GOLGA3: variants seen among roughly 807,000 people sequenced by gnomAD.
The protein encoded by GOLGA3 is golgin subfamily A member 3.
A neutral mutation model predicts 169.4 loss-of-function variants in GOLGA3; 75 were observed. That is an observed-to-expected ratio of 0.44 (90% CI 0.37 to 0.54). The LOEUF is 0.54. GOLGA3 is among the 20% of genes least tolerant of loss of function. The pLI is 0.00. For synonymous variants in GOLGA3, 824 were observed against 822.4 expected, an observed-to-expected ratio of 1.00 and a Z score of -0.03; for missense variants, 1,899 against 1,930.0, an observed-to-expected ratio of 0.98 and a Z score of 0.30.
At position 132,777,097 on chromosome 12, in the gene GOLGA3, TA is replaced by T. The variant is rs1555249724; in HGVS notation, c.3723-8del. On this transcript the variant is annotated splice_polypyrimidine_tract_variant and splice_region_variant and intron_variant, in intron 19 of 23. Coordinates refer to ENST00000450791, the MANE Select transcript of GOLGA3 (RefSeq NM_001389683.1). This position sits in a 1 kb window ranked among gnomAD's most constrained non-coding sequence, Gnocchi z 4.7. ...ATGTTTCCCCTCCCGAATCCTAGCG[TA>T]AAAAAACAAGAAAGAAGGGAATCGC... 8.3e-6 allele frequency: 13 copies of T among 1,571,232 alleles called. No individual in the cohort carries two copies. The highest frequency in any genetic ancestry group is 1.1e-5 in the Non-Finnish European group (13 of 1,162,142).
At position 132,775,201 on chromosome 12, in the gene GOLGA3, C is replaced by A. The variant is rs924758936; in HGVS notation, c.4083G>T (p.Lys1361Asn). The A allele has an allele frequency of 6.2e-7, 1 of 1,614,086 alleles. No homozygotes were observed. The highest frequency in any genetic ancestry group is 8.5e-7 in the Non-Finnish European group (1 of 1,180,024). The change falls in exon 22 of 24, where the codon AAG becomes AAT. Residue 1361 changes from lysine to asparagine, a missense_variant. Transcript: ENST00000450791. ...AKVSELKNNM[K>N]TLLQQNQQLK... ...GCTGCTGGTTCTGCTGGAGCAGGGT[C>A]TTCATGTTGTTCTTCAGCTCCGACA...
At chr12:132,774,129 TG>T in intron 23 of GOLGA3, 27 bp downstream of exon 23, 1 of 1,541,224 alleles carries the variant, frequency 6.5e-7, no homozygotes, top group Non-Finnish European at 8.7e-7. Flanking sequence ...TAAGACTAGC[TG>T]AAGTGCAGCA....
intron 7 of GOLGA3, 53 bp from the exon 8 acceptor site, chr12:132,802,022 C>T: frequency 2.8e-6 from 4 of 1,420,964 alleles, no homozygotes; most frequent in Non-Finnish European, 3.9e-6. Context: ...ACGGGGGAGT[C>T]CGCAGCTCCG....
intron 13 of GOLGA3, among the ~76,000 whole-genome samples, chr12:132,787,453 C>A (rs1204671716): frequency 6.7e-6 from 1 of 150,260 alleles, no homozygotes; most frequent in Non-Finnish European, 1.5e-5. Context: ...CCAGACCCCT[C>A]CTAGGAAACC....
chr12:132,821,704 A>G (rs568101530), intron 2 of GOLGA3, among the ~76,000 whole-genome samples: 1 of 149,968 alleles, frequency 6.7e-6, no homozygotes, highest in Non-Finnish European at 1.5e-5. Context: ...AATACAAAAA[A>G]TTAGCCGGGC....
At chr12:132,827,654 C>T (rs1428302374) in intron 1 of GOLGA3, 1 of 152,180 alleles carries the variant, frequency 6.6e-6, no homozygotes, top group Non-Finnish European at 1.5e-5. Flanking sequence ...AAAAAAGCTC[C>T]TCTTCAATCT....
In GOLGA3 at chr12:132,772,556, A is replaced by C. The variant is rs987368135; in HGVS notation, c.*549T>G. ...GAGACTCTGTCTCAAAAAAAAAAAA[A>C]AAAAAAAAACAAAGATTGGATTATG... On this transcript the variant is annotated 3_prime_UTR_variant, in exon 24 of 24. Transcript: ENST00000450791. 1.3e-5 allele frequency: 2 copies of C among 151,884 alleles called. No homozygotes were observed. Among genetic ancestry groups the C allele is most frequent in the African/African-American group, 4.8e-5 (2 of 41,360 alleles). The allele number at this position is 151,884 out of a possible 1,614,324, so 9.4% of individuals were successfully genotyped here. A position where few individuals can be genotyped will look rare whatever the true frequency, so the allele number is the denominator to read the frequency against.
At chr12:132,787,187 C>T (rs1218656540) in intron 13 of GOLGA3, among the ~76,000 whole-genome samples, 1 of 152,004 alleles carries the variant, frequency 6.6e-6, no homozygotes, top group Non-Finnish European at 1.5e-5. Flanking sequence ...CTCCTGACCT[C>T]GTGATCCACC....
chr12:132,773,613 G>A (rs1486712137), intron 23 of GOLGA3, among the ~76,000 whole-genome samples: 2 of 152,222 alleles, frequency 1.3e-5, no homozygotes, highest in Non-Finnish European at 2.9e-5. Flanking sequence ...TCAGCCTCAG[G>A]CTGCCAGGTG....
intron 2 of GOLGA3, among the ~76,000 whole-genome samples, chr12:132,821,099 CAAAAAAAAAA>C (rs61336622): frequency 2.0e-5 from 1 of 49,340 alleles, no homozygotes; most frequent in African/African-American, 9.4e-5. Flanking sequence ...GACACCGTCT[CAAAAAAAAAA>C]AAAAAAAAAA....
Position 132,776,878 on chromosome 12 carries a change from C to G in GOLGA3, c.3855+80G>C, listed in dbSNP as rs2045276632. 7.8e-6 allele frequency: 12 copies of G among 1,543,334 alleles called. 1 individual carries two copies. The South Asian group carries it at 1.5e-4, about 19-fold the overall frequency. ...CATATTCAGAAAACCATCACTGTTG[C>G]TCCCCAAGCAGGATGGAGTGAAGTC... On this transcript the variant is annotated intron_variant, in intron 20 of 23. Transcript: ENST00000450791.
At chr12:132,820,773 A>C (rs1277857155) in intron 2 of GOLGA3, among the ~76,000 whole-genome samples, 3 of 152,082 alleles carry the variant, frequency 2.0e-5, no homozygotes, top group Admixed American at 6.6e-5. Flanking sequence ...TCTGAATTCT[A>C]GCTATTACAA....
chr12:132,769,002 TAC>T lies in GOLGA3; in HGVS notation c.*4101_*4102del, dbSNP rs1415133360. On this transcript the variant is annotated 3_prime_UTR_variant, in exon 24 of 24. Transcript: ENST00000450791. ...AAAAAATCAACGTGCTTTTTAAAGT[TAC>T]ACTTTGTCAGACACGGTGACCCCTT... 6.5e-6 allele frequency: 1 copy of T among 152,674 alleles called. No homozygotes were observed. Among genetic ancestry groups the T allele is most frequent in the African/African-American group, 2.4e-5 (1 of 41,466 alleles). The allele number at this position is 152,674 out of a possible 1,614,324, so 9.5% of individuals were successfully genotyped here. A position where few individuals can be genotyped will look rare whatever the true frequency, so the allele number is the denominator to read the frequency against.
At chr12:132,812,371 T>C (rs1949763322) in intron 4 of GOLGA3, among the ~76,000 whole-genome samples, 1 of 152,178 alleles carries the variant, frequency 6.6e-6, no homozygotes, top group Non-Finnish European at 1.5e-5. Context: ...GTTTTGACTT[T>C]CAAGTCTTAT....
At chr12:132,782,584 G>A in intron 16 of GOLGA3, 91 bp from the exon 17 acceptor site, 1 of 1,076,354 alleles carries the variant, frequency 9.3e-7, no homozygotes, top group Non-Finnish European at 1.4e-6. Context: ...ACAAGAAACA[G>A]CGAAAACTTA....
At chr12:132,786,613 G>A in intron 14 of GOLGA3, 58 bp from the exon 15 acceptor site, 3 of 1,593,798 alleles carry the variant, frequency 1.9e-6, no homozygotes, top group South Asian at 2.2e-5. Context: ...GTGACCGTCT[G>A]GCATTCTGGT....
chr12:132,827,228 G>GA (rs1452390358), intron 1 of GOLGA3, among the ~76,000 whole-genome samples: 2 of 152,184 alleles, frequency 1.3e-5, no homozygotes, highest in African/African-American at 4.8e-5. Context: ...ATTTCCTCAG[G>GA]AAAAGAGTAC....
In GOLGA3 at chr12:132,780,911, G is replaced by A. The variant is rs1270885995; in HGVS notation, c.3469C>T (p.Gln1157Ter). 1 of 1,608,662 alleles carries A rather than the reference G, an allele frequency of 6.2e-7. No individual in the cohort carries two copies. Among genetic ancestry groups the A allele is most frequent in the Non-Finnish European group, 8.5e-7 (1 of 1,178,226 alleles). The change falls in exon 18 of 24, where the codon CAG becomes TAG. Residue 1157 changes from glutamine (Q) to a stop codon, truncating the protein, a stop_gained. Coordinates refer to ENST00000450791, the MANE Select transcript of GOLGA3 (RefSeq NM_001389683.1). LOFTEE classifies it high-confidence loss of function. ...TCTTCTTTGCGCTGCAAAACTGCCT[G>A]CACCTAGATCAGATTGCAGGAGGAC... is the stretch of plus-strand genomic sequence containing the variant. ...ADLVQLNLQV[Q>*]AVLQRKEEED...
At chr12:132,821,432 A>T (rs1161315475) in intron 2 of GOLGA3, among the ~76,000 whole-genome samples, 1 of 151,344 alleles carries the variant, frequency 6.6e-6, no homozygotes, top group Non-Finnish European at 1.5e-5. Context: ...GTAGAATTTT[A>T]GGCAGGGAAC....
Sources: gnomAD v4.1 joint callset for allele counts (sites outside exome capture counted in the v4.1 genomes callset) on GRCh38, gnomAD v4.1.1 for gene constraint, Gnocchi (gnomAD v3.1) non-coding constraint, MANE v1.5 for transcripts, NCBI Gene and HGNC (gene_info 2026-07-23, HGNC 2026-07-21) for gene names.